CCDC127: variants seen among roughly 807,000 people sequenced by gnomAD.
CCDC127 encodes the protein coiled-coil domain-containing protein 127.
Under a neutral mutation model 4.1 loss-of-function variants are expected in CCDC127, and 2 were observed. The ratio of observed to expected loss-of-function variants is 0.49; its 90% CI spans 0.20 to 1.53. The LOEUF is 1.53. Among genes scored for constraint, CCDC127 ranks in the 40% most tolerant of loss-of-function variants. The pLI is 0.23. For synonymous variants in CCDC127, 98 were observed against 120.4 expected, an observed-to-expected ratio of 0.81 and a Z score of 1.22; for missense variants, 271 against 322.9, an observed-to-expected ratio of 0.84 and a Z score of 1.23.
intron 2 of CCDC127, among the ~76,000 whole-genome samples, chr5:213,335 G>A (rs1313022326): frequency 4.2e-4 from 32 of 76,692 alleles, no homozygotes; most frequent in East Asian, 9.0e-4. Flanking sequence ...CGGGACAGCA[G>A]TGTGAGCACG....
rs1186188033 is a variant in CCDC127 at position 200,440 on chromosome 5, GCAGGCTCAGGAGCTGTGGGAA to G, written c.*4836_*4856del. 6.6e-6 allele frequency: 1 copy of G among 152,414 alleles called. No individual in the cohort carries two copies. The highest frequency in any genetic ancestry group is 1.5e-5 in the Non-Finnish European group (1 of 68,166). The allele number at this position is 152,414 out of a possible 1,614,324, so 9.4% of individuals were successfully genotyped here. A position where few individuals can be genotyped will look rare whatever the true frequency, so the allele number is the denominator to read the frequency against. On this transcript the variant is annotated 3_prime_UTR_variant, in exon 3 of 3. Coordinates refer to ENST00000296824, the MANE Select transcript of CCDC127 (RefSeq NM_145265.3). ...CCCGCTGGAGCAGGCCAGGCAGGGG[GCAGGCTCAGGAGCTGTGGGAA>G]CCGCCCTGTCCCACCGTGTGGCCAG...
rs968728756 is a variant in CCDC127, at chr5:202,570, C to G, written c.*2727G>C. The G allele has an allele frequency of 4.0e-5, 6 of 149,912 alleles. No homozygotes were observed. Among genetic ancestry groups the G allele is most frequent in the African/African-American group, 1.5e-4 (6 of 39,224 alleles). 9.3% of individuals were successfully genotyped at this position (149,912 alleles called of 1,614,324 possible). The stretch of plus-strand genomic sequence containing the variant: ...ACTGCACTCCCGCCTGGCAACAGAA[C>G]GAGACTGTCTCAAAAAAAAAATGCT... On this transcript the variant is annotated 3_prime_UTR_variant, in exon 3 of 3. Transcript: ENST00000296824.
chr5:205,185 T>C lies in CCDC127; in HGVS notation c.*112A>G, dbSNP rs1178907254. 2 of 981,668 alleles carry C rather than the reference T, an allele frequency of 2.0e-6. No homozygotes were observed. Among genetic ancestry groups the C allele is most frequent in the Non-Finnish European group, 3.0e-6 (2 of 658,818 alleles). The allele number at this position is 981,668 out of a possible 1,614,324, so 60.8% of individuals were successfully genotyped here. ...GGGAGTGGAGGTCGCTGCTGAAGGG[T>C]GACGGTGTGGCCATGACACGGGCAG... is the stretch of plus-strand genomic sequence containing the variant. On this transcript the variant is annotated 3_prime_UTR_variant, in exon 3 of 3. Coordinates refer to ENST00000296824, the MANE Select transcript of CCDC127 (RefSeq NM_145265.3).
rs962574716 is a variant in CCDC127, at chr5:197,198, C to G, written c.*8099G>C. 3 of 152,228 alleles carry G rather than the reference C, an allele frequency of 2.0e-5. No homozygotes were observed. 9.4% of individuals were successfully genotyped at this position (152,228 alleles called of 1,614,324 possible). A position where few individuals can be genotyped will look rare whatever the true frequency, so the allele number is the denominator to read the frequency against. ...ACATGTCTCGCCTCCCGCCACAAGG[C>G]GGCTTTTCTCCTGTCTCAGAGTTGA... On this transcript the variant is annotated 3_prime_UTR_variant, in exon 3 of 3. Transcript: ENST00000296824.
At position 205,699 on chromosome 5, in the gene CCDC127, C is replaced by T. The variant is rs376395359; in HGVS notation, c.381G>A (p.Val127=). 17 of 1,613,994 alleles carry T rather than the reference C, an allele frequency of 1.1e-5. No homozygotes were observed. The highest frequency in any genetic ancestry group is 1.4e-5 in the Non-Finnish European group (16 of 1,180,026). ...KKLLEQERAQ[V]MQEKRQVQPL... is the part of the protein sequence containing the mutation. ...GCTGCACCTGTCTTTTTTCTTGCAT[C>T]ACCTGGGCCCGTTCCTGTTCCAGAA... is the stretch of plus-strand genomic sequence containing the variant. The change falls in exon 3 of 3, where the codon GTG becomes GTA. Residue 127 remains valine (V), a synonymous_variant. Transcript: ENST00000296824.
Position 201,650 on chromosome 5 carries a change from A to G in CCDC127, c.*3647T>C, listed in dbSNP as rs1353129381. Reference sequence around the variant, plus strand: ...CCAAATGAGCTGACTGGACTACGGAAGAGAAATGCTGCCTCTTCAGTTTTG... The same window carrying G: ...CCAAATGAGCTGACTGGACTACGGAGGAGAAATGCTGCCTCTTCAGTTTTG... On this transcript the variant is annotated 3_prime_UTR_variant, in exon 3 of 3. Coordinates refer to ENST00000296824, the MANE Select transcript of CCDC127 (RefSeq NM_145265.3). 1.3e-5 allele frequency: 2 copies of G among 152,240 alleles called. No homozygotes were observed. The highest frequency in any genetic ancestry group is 2.9e-5 in the Non-Finnish European group (2 of 68,038). 9.4% of individuals were successfully genotyped at this position (152,240 alleles called of 1,614,324 possible).
chr5:206,689 A>C (rs1256652127), intron 2 of CCDC127, among the ~76,000 whole-genome samples: 1 of 152,226 alleles, frequency 6.6e-6, no homozygotes, highest in African/African-American at 2.4e-5. Flanking sequence ...ACAATAAAAA[A>C]AGACCGTGTG....
intron 2 of CCDC127, among the ~76,000 whole-genome samples, chr5:209,913 T>C (rs547999145): frequency 6.6e-6 from 1 of 152,264 alleles, no homozygotes; most frequent in South Asian, 2.1e-4. Flanking sequence ...ATTCAACACC[T>C]ATTCATGAAA....
intron 2 of CCDC127, among the ~76,000 whole-genome samples, chr5:212,279 G>A (rs1404653862): frequency 2.6e-5 from 1 of 38,288 alleles, no homozygotes. Flanking sequence ...GCTGATGCTC[G>A]ACATCGAATA....
At position 202,672 on chromosome 5, in the gene CCDC127, C is replaced by T. The variant is rs1195015843; in HGVS notation, c.*2625G>A. On this transcript the variant is annotated 3_prime_UTR_variant, in exon 3 of 3. Transcript: ENST00000296824. Reference sequence around the variant, plus strand: ...TTGAAGGCTCTGAACATATCTATCTCACTATAGAAGGAAGCTAGGCTGACA... The same window carrying T: ...TTGAAGGCTCTGAACATATCTATCTTACTATAGAAGGAAGCTAGGCTGACA... 2 of 152,270 alleles carry T rather than the reference C, an allele frequency of 1.3e-5. No individual in the cohort carries two copies. The highest frequency in any genetic ancestry group is 4.8e-5 in the African/African-American group (2 of 41,460). 9.4% of individuals were successfully genotyped at this position (152,270 alleles called of 1,614,324 possible).
At chr5:210,665 A>AGC (rs1560976308) in intron 2 of CCDC127, among the ~76,000 whole-genome samples, 1 of 149,532 alleles carries the variant, frequency 6.7e-6, no homozygotes, top group African/African-American at 2.5e-5. Flanking sequence ...GAGCACGCTG[A>AGC]TGCTCGACAT....
intron 2 of CCDC127, among the ~76,000 whole-genome samples, chr5:209,702 C>T (rs1467312784): frequency 6.6e-6 from 1 of 152,160 alleles, no homozygotes; most frequent in Non-Finnish European, 1.5e-5. Flanking sequence ...CCCCCACAAA[C>T]ACAGAAACAA....
At position 206,826 on chromosome 5, in the gene CCDC127, C is replaced by T. The variant is rs74998743; in HGVS notation, c.122-868G>A. 5.5e-4 allele frequency among the ~76,000 whole-genome samples: 84 copies of T among 152,308 alleles called. 1 individual carries two copies. Among genetic ancestry groups the T allele is most frequent in the East Asian group, 3.5e-3 (18 of 5,192 alleles). ...CTGCTTGTACATTCTAAAAGCAGCA[C>T]GGAGTTGAGTCTTCTGGAAAACAGA... On this transcript the variant is annotated intron_variant, in intron 2 of 2. Transcript: ENST00000296824.
At chr5:215,932 C>T (rs1734371823) in intron 2 of CCDC127, 1 of 148,894 alleles carries the variant, frequency 6.7e-6, no homozygotes, top group African/African-American at 2.6e-5. Flanking sequence ...GGCAGGTCCC[C>T]AAAGTGGTGC....
In CCDC127 at chr5:217,984, C is replaced by T. The variant is rs1734460584; in HGVS notation, c.-11+109G>A. Reference sequence around the variant, plus strand: ...GAGCGCCCCCCTCCGACCCCATTCCCTGCGGTCTGGGCGTTCAGGCCCTTC... The same window carrying T: ...GAGCGCCCCCCTCCGACCCCATTCCTTGCGGTCTGGGCGTTCAGGCCCTTC... On this transcript the variant is annotated intron_variant, in intron 1 of 2. Coordinates refer to ENST00000296824, the MANE Select transcript of CCDC127 (RefSeq NM_145265.3). 7 of 639,416 alleles carry T rather than the reference C, an allele frequency of 1.1e-5. No individual in the cohort carries two copies. The South Asian group carries it at 4.3e-4, about 40-fold the overall frequency. 39.6% of individuals were successfully genotyped at this position (639,416 alleles called of 1,614,324 possible).
At position 205,425 on chromosome 5, in the gene CCDC127, A is replaced by C. The variant is rs144547707; in HGVS notation, c.655T>G (p.Cys219Gly). The C allele has an allele frequency of 4.3e-6, 7 of 1,614,106 alleles. No homozygotes were observed. In the African/African-American group the frequency reaches 6.7e-5, roughly 15 times the overall value. ...LTDIFQHDTY[C>G]GDVWNTNKRQ... Reference sequence around the variant, plus strand: ...TTGTTGGTGTTCCAGACATCACCACAGTATGTATCATGCTGAAATATGTCG... The same window carrying C: ...TTGTTGGTGTTCCAGACATCACCACCGTATGTATCATGCTGAAATATGTCG... Residue 219 changes from cysteine (C) to glycine (G), a missense_variant, in exon 3 of 3, where the codon TGT (cysteine) becomes GGT (glycine). By Grantham distance (159) the Cys-to-Gly change is radical. This residue lies in a region of CCDC127 where 265 missense variants were observed against 270.9 expected (regional missense o/e 0.98). Coordinates refer to ENST00000296824, the MANE Select transcript of CCDC127 (RefSeq NM_145265.3).
In CCDC127 at chr5:200,864, C is replaced by T. The variant is rs1361778515; in HGVS notation, c.*4433G>A. 1 of 110,352 alleles carries T rather than the reference C, an allele frequency of 9.1e-6. No homozygotes were observed. The highest frequency in any genetic ancestry group is 2.0e-5 in the Non-Finnish European group (1 of 49,502). 6.8% of individuals were successfully genotyped at this position (110,352 alleles called of 1,614,324 possible). ...TCTACACAGCAGGCTGCCCCCATCA[C>T]AGCCAGCCAGCGTCTACACAGCAGG... On this transcript the variant is annotated 3_prime_UTR_variant, in exon 3 of 3. Coordinates refer to ENST00000296824, the MANE Select transcript of CCDC127 (RefSeq NM_145265.3).
At chr5:207,857 G>A (rs1019887111) in intron 2 of CCDC127, among the ~76,000 whole-genome samples, 4 of 152,182 alleles carry the variant, frequency 2.6e-5, no homozygotes, top group Non-Finnish European at 5.9e-5. Context: ...ACAATCTGGG[G>A]ACGATCTCAG....
chr5:215,050 A>C (rs567784952), intron 2 of CCDC127: 3 of 152,260 alleles, frequency 2.0e-5, no homozygotes, highest in African/African-American at 7.2e-5. Flanking sequence ...AATTCTAGTA[A>C]ATGAAGCGAG....
Sources: allele counts gnomAD v4.1 joint callset (sites outside exome capture counted in the v4.1 genomes callset), GRCh38; gene constraint gnomAD v4.1.1; regional missense constraint gnomAD v4.1.1; transcripts MANE v1.5; gene names NCBI Gene and HGNC (gene_info 2026-07-23, HGNC 2026-07-21).